The following ALLC variants were observed in gnomAD, a reference collection of about 807,000 sequenced individuals.
ALLC encodes allantoicase.
A neutral mutation model predicts 45.0 loss-of-function variants in ALLC; 40 were observed. That is an observed-to-expected ratio of 0.89 (90% CI 0.69 to 1.16). ALLC has a LOEUF of 1.16. Ranked by LOEUF, ALLC falls within the 50% of genes most tolerant of loss-of-function variation. ALLC has a pLI of 0.00. For missense variants in ALLC, 488 were observed against 493.1 expected (o/e 0.99, Z 0.10); for synonymous variants, 176 against 178.1 (o/e 0.99, Z 0.09).
At chr2:3,655,706 C>T (rs762926437), upstream of ALLC, among the ~76,000 whole-genome samples, 3 of 152,212 alleles carry the variant, frequency 2.0e-5, no homozygotes, top group South Asian at 2.1e-4. Context: ...GGGATCCTCC[C>T]GTCTCAGCCT....
rs114824260 is a variant in ALLC, at chr2:3,696,442, C to G, written c.741+94C>G. 27 of 990,430 alleles carry G rather than the reference C, an allele frequency of 2.7e-5. No homozygotes were observed. The African/African-American group carries it at 4.3e-4, about 16-fold the overall frequency. 61.4% of individuals were successfully genotyped at this position (990,430 alleles called of 1,614,324 possible). ...AATAAACTTTTGCACATTTTAGAAA[C>G]CTCATATGCATTGTTCTAAATGCTA... On this transcript the variant is annotated intron_variant, in intron 9 of 11. Transcript: ENST00000252505.
chr2:3,698,982 T>G (rs1667754869), intron 10 of ALLC, among the ~76,000 whole-genome samples: 1 of 152,192 alleles, frequency 6.6e-6, no homozygotes, highest in Admixed American at 6.5e-5. Flanking sequence ...CAAGAAGTCT[T>G]GGTAATTTTA....
At chr2:3,660,141 G>C (rs1007473161) in intron 1 of ALLC, among the ~76,000 whole-genome samples, 2 of 152,184 alleles carry the variant, frequency 1.3e-5, no homozygotes, top group African/African-American at 2.4e-5. Flanking sequence ...GCTTGGTGCC[G>C]TTCTGGAGGT....
rs376815486 is a variant in ALLC at position 3,690,875 on chromosome 2, G to A, written c.512-4842G>A. On this transcript the variant is annotated intron_variant, in intron 7 of 11. Transcript: ENST00000252505. Reference sequence around the variant, plus strand: ...ATTACACACTATAATTACAGTGTTGGAGTATTCTGAGTTCGTTAATGCACT... The same window carrying A: ...ATTACACACTATAATTACAGTGTTGAAGTATTCTGAGTTCGTTAATGCACT... 3.0e-3 allele frequency among the ~76,000 whole-genome samples: 459 copies of A among 151,982 alleles called. 4 individuals carry two copies. Among genetic ancestry groups the A allele is most frequent in the African/African-American group, 0.01 (434 of 41,474 alleles).
intron 1 of ALLC, among the ~76,000 whole-genome samples, chr2:3,665,759 T>G (rs530045051): frequency 2.0e-5 from 3 of 152,380 alleles, no homozygotes; most frequent in African/African-American, 7.2e-5. Context: ...TTGTGAATAG[T>G]GCTGCAATGA....
chr2:3,679,763 GA>G (rs1667123834), intron 4 of ALLC, 105 bp from the exon 5 acceptor site: 1 of 1,493,862 alleles, frequency 6.7e-7, no homozygotes. Context: ...GTGATGGACG[GA>G]ATGGCCCCTG....
At chr2:3,664,214 C>T (rs760101683) in intron 1 of ALLC, among the ~76,000 whole-genome samples, 1 of 152,120 alleles carries the variant, frequency 6.6e-6, no homozygotes, top group Non-Finnish European at 1.5e-5. Context: ...ACTTTGCCAC[C>T]CCTGCTGCTT....
chr2:3,693,092 G>A (rs906703178), intron 7 of ALLC, among the ~76,000 whole-genome samples: 18 of 152,158 alleles, frequency 1.2e-4, no homozygotes, highest in Admixed American at 9.8e-4. Flanking sequence ...TTCAAATACC[G>A]CAGACTCTCA....
In ALLC at chr2:3,680,335, T is replaced by A. The variant is rs1007902725; in HGVS notation, c.298+341T>A. Among the ~76,000 whole-genome samples, 2 of 152,058 alleles carry A rather than the reference T, an allele frequency of 1.3e-5. No individual in the cohort carries two copies. The highest frequency in any genetic ancestry group is 2.9e-5 in the Non-Finnish European group (2 of 67,992). On this transcript the variant is annotated intron_variant, in intron 5 of 11. Coordinates refer to ENST00000252505, the MANE Select transcript of ALLC (RefSeq NM_018436.4). The surrounding 1 kb of genome is among the most constrained non-coding windows in gnomAD (Gnocchi z 4.0). ...TTTGTGCCTCAGATGACCCGGGTGA[T>A]GTGGACCCAGGTCTGGGACAGCTGT...
intron 1 of ALLC, among the ~76,000 whole-genome samples, chr2:3,670,837 G>A (rs1314979251): frequency 7.8e-6 from 1 of 127,446 alleles, no homozygotes; most frequent in African/African-American, 3.1e-5. Flanking sequence ...GGTTTGTATA[G>A]CTAGTGATAT....
At chr2:3,670,824 T>C (rs1379814801) in intron 1 of ALLC, among the ~76,000 whole-genome samples, 2 of 141,424 alleles carry the variant, frequency 1.4e-5, no homozygotes, top group Admixed American at 7.0e-5. Context: ...TTTGTGGCGA[T>C]AGGGTTTGTA....
At chr2:3,700,681 A>G (rs754430284) in intron 10 of ALLC, among the ~76,000 whole-genome samples, 1 of 152,230 alleles carries the variant, frequency 6.6e-6, no homozygotes, top group Non-Finnish European at 1.5e-5. Context: ...ATACACATAC[A>G]TATGTATGTA....
At chr2:3,658,388 CGAACCCTCGACACTTG>C (rs1558531916) in intron 1 of ALLC, 94 bp downstream of exon 1, 2 of 152,208 alleles carry the variant, frequency 1.3e-5, no homozygotes, top group Non-Finnish European at 2.9e-5. Flanking sequence ...AGTCATGCAA[CGAACCCTCGACACTTG>C]GAAGGTGACA....
rs1269995543 is a variant in ALLC at position 3,695,742 on chromosome 2, A to T, written c.537A>T (p.Val179=). 1.2e-6 allele frequency: 2 copies of T among 1,614,050 alleles called. No individual in the cohort carries two copies. The highest frequency in any genetic ancestry group is 2.7e-5 in the African/African-American group (2 of 75,062). ...ATGGTGGAATTGCACGACTTAGAGTATTCGGTACTGGACAAAAAGACTGGA... is the reference window on the plus strand; with the variant it reads ...ATGGTGGAATTGCACGACTTAGAGTTTTCGGTACTGGACAAAAAGACTGGA... ...FPDGGIARLR[V]FGTGQKDWTA... Residue 179 remains valine (V), a synonymous_variant, in exon 8 of 12, where the codon GTA becomes GTT. Coordinates refer to ENST00000252505, the MANE Select transcript of ALLC (RefSeq NM_018436.4).
At chr2:3,692,169 A>G (rs960620557) in intron 7 of ALLC, among the ~76,000 whole-genome samples, 6 of 152,242 alleles carry the variant, frequency 3.9e-5, no homozygotes, top group African/African-American at 1.4e-4. Flanking sequence ...TCTTATGGGT[A>G]TACATCTATG....
rs200664184 is a variant in ALLC, at chr2:3,701,564, A to G, written c.903A>G (p.Glu301=). 5.5e-6 allele frequency: 3 copies of G among 544,040 alleles called. No individual in the cohort carries two copies. Among genetic ancestry groups the G allele is most frequent in the Non-Finnish European group, 7.8e-6 (3 of 382,784 alleles). 33.7% of individuals were successfully genotyped at this position (544,040 alleles called of 1,614,324 possible). A position where few individuals can be genotyped will look rare whatever the true frequency, so the allele number is the denominator to read the frequency against. Residue 301 remains glutamate (E), a synonymous_variant, in exon 11 of 12, where the codon GAA becomes GAG. Coordinates refer to ENST00000252505, the MANE Select transcript of ALLC (RefSeq NM_018436.4). ...ATGGGTGCATCCTGACAACTCAGGAAGAAGAAGCCGTGATCAGGCAAAAGT... is the reference window on the plus strand; with the variant it reads ...ATGGGTGCATCCTGACAACTCAGGAGGAAGAAGCCGTGATCAGGCAAAAGT... ...KVDGCILTTQ[E]EEAVIRQKWI...
At chr2:3,686,466 TTC>T (rs1667336738) in intron 7 of ALLC, among the ~76,000 whole-genome samples, 1 of 151,104 alleles carries the variant, frequency 6.6e-6, no homozygotes, top group Non-Finnish European at 1.5e-5. Context: ...TTAAAAATAT[TTC>T]TGAGAAGAAT....
chr2:3,679,921 C>A lies in ALLC; in HGVS notation c.225C>A (p.Phe75Leu). 1 of 1,613,942 alleles carries A rather than the reference C, an allele frequency of 6.2e-7. No individual in the cohort carries two copies. Among genetic ancestry groups the A allele is most frequent in the South Asian group, 1.1e-5 (1 of 91,058 alleles). ...GGATCCAAGGAGTCATCCGGGGCTT[C>A]GACGTGGACGTTTCTTACTTCACGG... is the stretch of plus-strand genomic sequence containing the variant. ...RLGIQGVIRG[F>L]DVDVSYFTGD... Residue 75 changes from phenylalanine to leucine, a missense_variant, in exon 5 of 12, where the codon TTC (phenylalanine) becomes TTA (leucine). By Grantham distance (22) the Phe-to-Leu change is conservative. Transcript: ENST00000252505.
intron 1 of ALLC, 67 bp downstream of exon 1, chr2:3,658,361 T>C (rs1296971054): frequency 6.6e-6 from 1 of 152,196 alleles, no homozygotes; most frequent in Non-Finnish European, 1.5e-5. Context: ...AAGAATAGGG[T>C]GACAGAGATG....
Sources: gnomAD v4.1 joint callset for allele counts (sites outside exome capture counted in the v4.1 genomes callset) on GRCh38, gnomAD v4.1.1 for gene constraint, Gnocchi (gnomAD v3.1) non-coding constraint, MANE v1.5 for transcripts, NCBI Gene and HGNC (gene_info 2026-07-23, HGNC 2026-07-21) for gene names.